Variants in FAM13B observed in about 807,000 individuals in gnomAD.
FAM13B encodes family with sequence similarity 13 member B, also known as protein FAM13B.
Under a neutral mutation model 117.3 loss-of-function variants are expected in FAM13B, and 60 were observed. That is an observed-to-expected ratio of 0.51 (90% CI 0.42 to 0.63). The LOEUF (loss-of-function observed/expected upper bound fraction) is 0.63, where lower values mean the gene tolerates loss of function less well. Among genes scored for constraint, FAM13B ranks in the 30% least tolerant of loss-of-function variants. The pLI is 0.00. For missense variants in FAM13B, 972 were observed against 1,091.9 expected (o/e 0.89, Z 1.55); for synonymous variants, 332 against 356.1 (o/e 0.93, Z 0.76).
At position 137,985,394 on chromosome 5, in the gene FAM13B, G is replaced by C; in HGVS notation, c.1047-5C>G. 1 of 1,612,388 alleles carries C rather than the reference G, an allele frequency of 6.2e-7. No individual in the cohort carries two copies. Among genetic ancestry groups the C allele is most frequent in the Non-Finnish European group, 8.5e-7 (1 of 1,179,434 alleles). ...ATATCATCAGCAATATCAATCCTAG[G>C]GATGAAGTTTAAAAATCAGATCAGG... On this transcript the variant is annotated splice_polypyrimidine_tract_variant and splice_region_variant and intron_variant, in intron 9 of 23. Transcript: ENST00000689681.
chr5:137,970,728 A>G (rs1016872476), intron 10 of FAM13B, among the ~76,000 whole-genome samples: 6 of 152,218 alleles, frequency 3.9e-5, no homozygotes, highest in African/African-American at 7.2e-5. Context: ...CTCACGGGCA[A>G]AGACACACAC....
At chr5:137,965,983 T>G (rs1769604401) in intron 10 of FAM13B, among the ~76,000 whole-genome samples, 1 of 152,190 alleles carries the variant, frequency 6.6e-6, no homozygotes, top group Middle Eastern at 3.4e-3. Context: ...TTCATACACT[T>G]TCAACTCCCA....
At chr5:137,941,263 C>G (rs766548442) in intron 23 of FAM13B, among the ~76,000 whole-genome samples, 29 of 151,922 alleles carry the variant, frequency 1.9e-4, no homozygotes, top group Non-Finnish European at 3.5e-4. Flanking sequence ...ACTCACAAAG[C>G]AAAGGGAATT....
intron 10 of FAM13B, among the ~76,000 whole-genome samples, chr5:137,978,950 A>T (rs1774832823): frequency 6.6e-6 from 1 of 151,428 alleles, no homozygotes; most frequent in African/African-American, 2.4e-5. Flanking sequence ...CCTAAATCTT[A>T]ATCATTTTCA....
At chr5:137,967,522 C>CA (rs11308174) in intron 10 of FAM13B, among the ~76,000 whole-genome samples, 5 of 147,754 alleles carry the variant, frequency 3.4e-5, no homozygotes, top group Admixed American at 6.8e-5. Flanking sequence ...GACTCTGTCT[C>CA]AAAAAAAAAA....
At chr5:137,967,109 A>AG (rs1025460653) in intron 10 of FAM13B, among the ~76,000 whole-genome samples, 2 of 151,866 alleles carry the variant, frequency 1.3e-5, no homozygotes, top group Admixed American at 6.5e-5. Flanking sequence ...ATCTTAAAAA[A>AG]GGGAAAAAAA....
intron 9 of FAM13B, among the ~76,000 whole-genome samples, chr5:137,986,489 G>T (rs1777284369): frequency 6.6e-6 from 1 of 151,082 alleles, no homozygotes; most frequent in Non-Finnish European, 1.5e-5. Flanking sequence ...GTCTCTGAGG[G>T]AGGCACACAG....
At chr5:137,941,364 A>T (rs1037699282) in intron 23 of FAM13B, among the ~76,000 whole-genome samples, 1 of 152,204 alleles carries the variant, frequency 6.6e-6, no homozygotes, top group Non-Finnish European at 1.5e-5. Flanking sequence ...GGCCTGAGAT[A>T]ACTGAACCCA....
intron 1 of FAM13B, among the ~76,000 whole-genome samples, chr5:138,027,279 C>T (rs1398657951): frequency 1.3e-5 from 2 of 152,232 alleles, no homozygotes; most frequent in Non-Finnish European, 2.9e-5. Flanking sequence ...TATCTCACTA[C>T]TTGTTAAAGC....
At chr5:137,992,486 C>T (rs946229859) in intron 7 of FAM13B, among the ~76,000 whole-genome samples, 25 of 151,810 alleles carry the variant, frequency 1.6e-4, no homozygotes, top group African/African-American at 5.8e-4. Flanking sequence ...CCCAGCTACT[C>T]GGGAGGCTGA....
chr5:137,987,699 C>A, intron 8 of FAM13B, 83 bp from the exon 9 acceptor site: 1 of 1,319,330 alleles, frequency 7.6e-7, no homozygotes, highest in South Asian at 1.6e-5. Flanking sequence ...AAACCTATGA[C>A]CAGTAAAACT....
At chr5:138,005,387 A>G (rs977924221) in intron 7 of FAM13B, among the ~76,000 whole-genome samples, 4 of 152,202 alleles carry the variant, frequency 2.6e-5, no homozygotes, top group African/African-American at 9.6e-5. Flanking sequence ...AAAGCCAGAG[A>G]AAGGTTCACT....
At chr5:138,023,198 G>A (rs1338662828) in intron 1 of FAM13B, among the ~76,000 whole-genome samples, 7 of 152,124 alleles carry the variant, frequency 4.6e-5, no homozygotes, top group Non-Finnish European at 8.8e-5. Context: ...GGCTGGGTAG[G>A]AATCTATGAA....
rs879544583 is a variant in FAM13B at position 137,970,983 on chromosome 5, G to T, written c.1180-8514C>A. 5.6e-3 allele frequency among the ~76,000 whole-genome samples: 856 copies of T among 152,040 alleles called. 11 individuals are homozygous for T. Among genetic ancestry groups the T allele is most frequent in the Non-Finnish European group, 5.6e-3 (381 of 67,940 alleles). On this transcript the variant is annotated intron_variant, in intron 10 of 23. Coordinates refer to ENST00000689681, the MANE Select transcript of FAM13B (RefSeq NM_001385994.1). Reference sequence around the variant, plus strand: ...AAGCAAGTCCTGAGTGACCTACAAAGAGACTTAGACTTCCACACATTAATA... The same window carrying T: ...AAGCAAGTCCTGAGTGACCTACAAATAGACTTAGACTTCCACACATTAATA...
At position 137,945,966 on chromosome 5, in the gene FAM13B, G is replaced by A; in HGVS notation, c.2276C>T (p.Pro759Leu). 1 of 1,613,212 alleles carries A rather than the reference G, an allele frequency of 6.2e-7. No homozygotes were observed. The highest frequency in any genetic ancestry group is 8.5e-7 in the Non-Finnish European group (1 of 1,179,610). Residue 759 changes from proline to leucine, a missense_variant, in exon 20 of 24, where the codon CCT becomes CTT. Pro to Leu is a moderately conservative substitution (Grantham distance 98). Transcript: ENST00000689681. ...VTKEERHIVKPLYDRYRLVKQ... is the reference protein window; with the variant it reads ...VTKEERHIVKLLYDRYRLVKQ... Reference sequence around the variant, plus strand: ...TACAAGCCTGTATCTATCATAGAGAGGTTTAACAATGTGCCTTTCTTCCTT... The same window carrying A: ...TACAAGCCTGTATCTATCATAGAGAAGTTTAACAATGTGCCTTTCTTCCTT...
chr5:138,006,533 A>C (rs971671010), intron 7 of FAM13B, among the ~76,000 whole-genome samples: 4 of 152,204 alleles, frequency 2.6e-5, no homozygotes, highest in Admixed American at 1.3e-4. Flanking sequence ...ACATTTATCG[A>C]ATTTACCCAG....
intron 18 of FAM13B, 31 bp from the exon 19 acceptor site, chr5:137,946,342 C>CAAAAAAAAAAAAAAAAAAACAAAAAAAAA: frequency 1.1e-6 from 1 of 919,178 alleles, no homozygotes; most frequent in Non-Finnish European, 1.5e-6. Flanking sequence ...TAACAAAATA[C>CAAAAAAAAAAAAAAAAAAACAAAAAAAAA]AAAAAAAAAA....
At chr5:137,971,710 G>A (rs1772217015) in intron 10 of FAM13B, among the ~76,000 whole-genome samples, 2 of 148,124 alleles carry the variant, frequency 1.4e-5, no homozygotes, top group Admixed American at 6.8e-5. Flanking sequence ...TTGATAGACC[G>A]CTAGCAAGAC....
intron 10 of FAM13B, among the ~76,000 whole-genome samples, chr5:137,972,543 A>C (rs1431092359): frequency 3.2e-4 from 49 of 151,836 alleles, no homozygotes; most frequent in African/African-American, 1.1e-3. Flanking sequence ...CCTTTGAAAA[A>C]TGGCACAAGA....
Sources: allele counts gnomAD v4.1 joint callset (sites outside exome capture counted in the v4.1 genomes callset), GRCh38; gene constraint gnomAD v4.1.1; transcripts MANE v1.5; gene names NCBI Gene and HGNC (gene_info 2026-07-23, HGNC 2026-07-21).